The following MTOR variants were observed in gnomAD, a reference collection of about 807,000 sequenced individuals.
MTOR encodes the protein mechanistic target of rapamycin kinase.
Under a neutral mutation model 319.8 loss-of-function variants are expected in MTOR, and 70 were observed. That is an observed-to-expected ratio of 0.22 (90% CI 0.18 to 0.27). MTOR has a LOEUF of 0.27. Ranked by LOEUF, MTOR falls within the 10% of genes least tolerant of loss-of-function variation. The probability of loss-of-function intolerance (pLI) is 1.00; values close to 1 mark genes in which losing one functional copy is unlikely to be tolerated. For missense variants in MTOR, 1,890 were observed against 3,274.4 expected (o/e 0.58, Z 10.32); for synonymous variants, 1,183 against 1,211.4 (o/e 0.98, Z 0.49).
intron 13 of MTOR, among the ~76,000 whole-genome samples, chr1:11,235,688 A>T (rs1647187210): frequency 6.6e-6 from 1 of 152,286 alleles, no homozygotes; most frequent in Admixed American, 6.5e-5. Flanking sequence ...ATCAGCTTTA[A>T]GAAGATTAGA....
intron 20 of MTOR, among the ~76,000 whole-genome samples, chr1:11,214,335 T>C (rs1646402283): frequency 6.6e-6 from 1 of 152,230 alleles, no homozygotes; most frequent in African/African-American, 2.4e-5. Flanking sequence ...CCACACAAGT[T>C]ACTAAAATAA....
Position 11,259,086 on chromosome 1 carries a change from A to T in MTOR, c.162+162T>A, listed in dbSNP as rs541233715. Among the ~76,000 whole-genome samples, 5 of 152,366 alleles carry T rather than the reference A, an allele frequency of 3.3e-5. 1 individual carries two copies. The South Asian group carries it at 1.0e-3, about 32-fold the overall frequency. On this transcript the variant is annotated intron_variant, in intron 2 of 57. Transcript: ENST00000361445. ...TGCTACAAAAATGTGCAACTGCTGC[A>T]AAAGAACCTGCATGTTTTATGGATG...
rs780460152 is a variant in MTOR, at chr1:11,231,072, G to A, written c.2650-18C>T. On this transcript the variant is annotated intron_variant, in intron 17 of 57. Transcript: ENST00000361445. ...CGGATGGCCTGCGTGGGAAAGGGGA[G>A]GGAAAAAAGAAAACATTCATCACAA... The A allele has an allele frequency of 6.2e-7, 1 of 1,613,212 alleles. No individual in the cohort carries two copies. The highest frequency in any genetic ancestry group is 2.2e-5 in the East Asian group (1 of 44,880).
At chr1:11,235,176 C>T (rs1647158093) in intron 13 of MTOR, among the ~76,000 whole-genome samples, 1 of 152,150 alleles carries the variant, frequency 6.6e-6, no homozygotes, top group African/African-American at 2.4e-5. Context: ...TGGCTGACTG[C>T]AAGGAAATGT....
At chr1:11,196,922 T>G (rs1194031306) in intron 28 of MTOR, among the ~76,000 whole-genome samples, 4 of 151,882 alleles carry the variant, frequency 2.6e-5, no homozygotes, top group African/African-American at 9.7e-5. Flanking sequence ...CTACCCTAAT[T>G]GTTTCAAAAA....
intron 28 of MTOR, chr1:11,194,666 T>A: frequency 1.2e-6 from 2 of 1,613,970 alleles, no homozygotes; most frequent in Admixed American, 3.3e-5. Flanking sequence ...AAAGGTGAGA[T>A]TTGGGGGGAC....
At chr1:11,256,584 AC>A (rs1650429693) in intron 4 of MTOR, among the ~76,000 whole-genome samples, 1 of 152,186 alleles carries the variant, frequency 6.6e-6, no homozygotes, top group African/African-American at 2.4e-5. Flanking sequence ...AGAGGAAGAA[AC>A]TGAAGGTCAG....
intron 8 of MTOR, among the ~76,000 whole-genome samples, chr1:11,244,555 C>G (rs1237901700): frequency 1.3e-5 from 2 of 151,988 alleles, no homozygotes; most frequent in South Asian, 4.1e-4. Context: ...CACTTGAACC[C>G]GGGAGGCAGA....
intron 28 of MTOR, among the ~76,000 whole-genome samples, chr1:11,174,609 T>C (rs544838438): frequency 1.3e-5 from 2 of 152,330 alleles, no homozygotes; most frequent in East Asian, 3.9e-4. Flanking sequence ...ACCTGGGTGA[T>C]ACAAAGCCGT....
In MTOR at chr1:11,199,781, G is replaced by C. The variant is rs112901434; in HGVS notation, c.3945-78C>G. ...GCCTCAAAGTCACACCTATCAATTC[G>C]CTTTTGGCATCACTGATTTTGGTTA... is the stretch of plus-strand genomic sequence containing the variant. On this transcript the variant is annotated intron_variant, in intron 26 of 57. Transcript: ENST00000361445. This position sits in a 1 kb window ranked among gnomAD's most constrained non-coding sequence, Gnocchi z 4.5. The C allele has an allele frequency of 1.3e-6, 2 of 1,498,430 alleles. No homozygotes were observed. The highest frequency in any genetic ancestry group is 1.8e-6 in the Non-Finnish European group (2 of 1,096,642). The allele number at this position is 1,498,430 out of a possible 1,614,324, so 92.8% of individuals were successfully genotyped here.
chr1:11,165,216 C>G (rs1571042826), intron 29 of MTOR, among the ~76,000 whole-genome samples: 1 of 152,290 alleles, frequency 6.6e-6, no homozygotes, highest in Admixed American at 6.5e-5. Flanking sequence ...CTCACCACTC[C>G]TATTCAACAA....
intron 49 of MTOR, among the ~76,000 whole-genome samples, chr1:11,118,231 T>TTA (rs1204684615): frequency 1.9e-5 from 2 of 103,186 alleles, no homozygotes; most frequent in Non-Finnish European, 3.7e-5. Flanking sequence ...TTAGTTAATT[T>TTA]TTTTTTTTTT....
chr1:11,144,859 G>T, intron 33 of MTOR, 104 bp from the exon 34 acceptor site: 1 of 1,508,440 alleles, frequency 6.6e-7, no homozygotes, highest in Non-Finnish European at 9.2e-7. Flanking sequence ...CTGCCGATCA[G>T]AGAAAACAGG....
At chr1:11,249,424 T>C (rs1649297162) in intron 6 of MTOR, among the ~76,000 whole-genome samples, 1 of 151,882 alleles carries the variant, frequency 6.6e-6, no homozygotes, top group Non-Finnish European at 1.5e-5. Context: ...TATTTATTTA[T>C]TTATTTATTT....
intron 19 of MTOR, among the ~76,000 whole-genome samples, chr1:11,216,830 T>C (rs1646488107): frequency 2.6e-5 from 4 of 152,118 alleles, no homozygotes; most frequent in African/African-American, 9.7e-5. Flanking sequence ...ATAATAATAC[T>C]TACCTCATAG....
At chr1:11,222,476 C>T (rs1485527840) in intron 19 of MTOR, among the ~76,000 whole-genome samples, 3 of 152,094 alleles carry the variant, frequency 2.0e-5, no homozygotes, top group African/African-American at 4.8e-5. Context: ...GGATTACAGG[C>T]GTGGGCCACT....
At chr1:11,185,410 C>T (rs1193173227) in intron 28 of MTOR, among the ~76,000 whole-genome samples, 1 of 114,458 alleles carries the variant, frequency 8.7e-6, no homozygotes, top group Non-Finnish European at 1.7e-5. Flanking sequence ...ACCCCCATCA[C>T]TACAAAAAAA....
chr1:11,233,934 C>T (rs1313249235), intron 14 of MTOR, among the ~76,000 whole-genome samples: 2 of 152,160 alleles, frequency 1.3e-5, no homozygotes. Context: ...ACTCTTACCT[C>T]TTGTAAGGAC....
chr1:11,216,499 T>C (rs562013135), intron 19 of MTOR, among the ~76,000 whole-genome samples: 1 of 151,576 alleles, frequency 6.6e-6, no homozygotes, highest in Non-Finnish European at 1.5e-5. Context: ...ACAAAAAAAA[T>C]ACAAAAAATT....
Sources: gnomAD v4.1 joint callset for allele counts (sites outside exome capture counted in the v4.1 genomes callset) on GRCh38, gnomAD v4.1.1 for gene constraint, Gnocchi (gnomAD v3.1) non-coding constraint, MANE v1.5 for transcripts, NCBI Gene and HGNC (gene_info 2026-07-23, HGNC 2026-07-21) for gene names.